Variants in MARCHF8 observed in about 807,000 individuals in gnomAD.
The protein encoded by MARCHF8 is E3 ubiquitin-protein ligase MARCHF8.
A neutral mutation model predicts 51.6 loss-of-function variants in MARCHF8; 40 were observed. That is an observed-to-expected ratio of 0.77 (90% CI 0.60 to 1.01). MARCHF8 has a LOEUF of 1.01. MARCHF8 is among the 50% of genes least tolerant of loss of function. The probability of loss-of-function intolerance (pLI) is 0.00; values close to 1 mark genes in which losing one functional copy is unlikely to be tolerated. For synonymous variants in MARCHF8, 263 were observed against 280.3 expected, an observed-to-expected ratio of 0.94 and a Z score of 0.62; for missense variants, 685 against 708.6, an observed-to-expected ratio of 0.97 and a Z score of 0.38.
chr10:45,529,023 G>A (rs969529234), intron 2 of MARCHF8, among the ~76,000 whole-genome samples: 2 of 152,152 alleles, frequency 1.3e-5, no homozygotes, highest in African/African-American at 4.8e-5. Context: ...GCAATGGTAA[G>A]CAAAAAGAAC....
At chr10:45,531,947 T>C (rs917254620) in intron 2 of MARCHF8, among the ~76,000 whole-genome samples, 1 of 152,166 alleles carries the variant, frequency 6.6e-6, no homozygotes, top group Non-Finnish European at 1.5e-5. Context: ...GATACCACAA[T>C]TGAGACCCTA....
chr10:45,514,989 G>A (rs1165459592), intron 2 of MARCHF8, among the ~76,000 whole-genome samples: 2 of 152,176 alleles, frequency 1.3e-5, no homozygotes, highest in Admixed American at 6.5e-5. Flanking sequence ...ATCATCACAG[G>A]GTGGGGGAGG....
At chr10:45,459,770 G>A in intron 6 of MARCHF8, 2 of 985,452 alleles carry the variant, frequency 2.0e-6, no homozygotes, top group Non-Finnish European at 2.4e-6. Context: ...GGCAGCAACA[G>A]CTCGAAATCG....
chr10:45,528,887 T>C (rs35902429), intron 2 of MARCHF8, among the ~76,000 whole-genome samples: 9,392 of 152,256 alleles, frequency 0.062, 334 homozygotes, highest in Non-Finnish European at 0.067. Context: ...ATCATTAAAA[T>C]GACCATACTA....
chr10:45,577,191 T>C (rs190229631), intron 1 of MARCHF8, among the ~76,000 whole-genome samples: 2 of 151,200 alleles, frequency 1.3e-5, no homozygotes, highest in Admixed American at 6.6e-5. Context: ...CTAATGAACA[T>C]AGACAGTAGA....
intron 1 of MARCHF8, among the ~76,000 whole-genome samples, chr10:45,534,413 A>G (rs2043942214): frequency 6.6e-6 from 1 of 152,066 alleles, no homozygotes; most frequent in South Asian, 2.1e-4. Flanking sequence ...GTATGCATAA[A>G]CTGTCTTCAG....
chr10:45,477,518 CA>C (rs1014260916), intron 3 of MARCHF8, among the ~76,000 whole-genome samples: 6 of 152,090 alleles, frequency 3.9e-5, no homozygotes, highest in African/African-American at 1.4e-4. Flanking sequence ...AAAGGATATA[CA>C]AAACCAGAAA....
chr10:45,496,277 C>T (rs2043173587), intron 2 of MARCHF8, among the ~76,000 whole-genome samples: 1 of 151,940 alleles, frequency 6.6e-6, no homozygotes, highest in African/African-American at 2.4e-5. Flanking sequence ...ATATATTTTC[C>T]TTTCTTAAAT....
Position 45,496,824 on chromosome 10 carries a change from T to C in MARCHF8, c.103-7407A>G, listed in dbSNP as rs1316807583. The stretch of plus-strand genomic sequence containing the variant: ...ACCATTAAGAAAATAATTTTTTAAA[T>C]AGCATTAGAAATCTTTTTTAAAAAT... On this transcript the variant is annotated intron_variant, in intron 2 of 7. Coordinates refer to ENST00000453424, the MANE Select transcript of MARCHF8 (RefSeq NM_001282866.2). 2.0e-5 allele frequency among the ~76,000 whole-genome samples: 3 copies of C among 151,676 alleles called. No individual in the cohort carries two copies. The East Asian group carries it at 5.8e-4, about 29-fold the overall frequency.
intron 1 of MARCHF8, among the ~76,000 whole-genome samples, chr10:45,568,116 G>A (rs750196042): frequency 8.5e-5 from 13 of 152,064 alleles, no homozygotes; most frequent in Non-Finnish European, 1.5e-4. Flanking sequence ...ATTTTGGTAC[G>A]TTAATTTTGT....
In MARCHF8 at chr10:45,586,938, G is replaced by A. The variant is rs563775991; in HGVS notation, c.-79+7297C>T. 2.7e-5 allele frequency among the ~76,000 whole-genome samples: 4 copies of A among 150,920 alleles called. No individual in the cohort carries two copies. The South Asian group carries it at 8.3e-4, about 31-fold the overall frequency. ...TCTTTTCCTTAACATCTCCTAAAGT[G>A]CATACGTTTTAATTTTATTAAGTCC... On this transcript the variant is annotated intron_variant, in intron 1 of 6. Coordinates refer to the MARCHF8 transcript ENST00000319836.
chr10:45,483,051 C>T (rs960270400), intron 3 of MARCHF8, among the ~76,000 whole-genome samples: 1 of 152,064 alleles, frequency 6.6e-6, no homozygotes, highest in African/African-American at 2.4e-5. Flanking sequence ...GAAGAAAACA[C>T]AGGGATTACA....
chr10:45,553,738 A>T (rs751028742), intron 1 of MARCHF8, among the ~76,000 whole-genome samples: 20 of 152,212 alleles, frequency 1.3e-4, no homozygotes, highest in Non-Finnish European at 2.9e-4. Flanking sequence ...TAGGAAGACA[A>T]AAAAGCAAGA....
intron 6 of MARCHF8, 46 bp downstream of exon 6, chr10:45,461,185 G>C: frequency 7.2e-7 from 1 of 1,387,820 alleles, no homozygotes; most frequent in East Asian, 2.7e-5. Flanking sequence ...GCTTTCTGGG[G>C]GTCACTGGTT....
intron 3 of MARCHF8, among the ~76,000 whole-genome samples, chr10:45,488,494 G>C (rs1189634419): frequency 7.4e-6 from 1 of 135,692 alleles, no homozygotes; most frequent in Non-Finnish European, 1.7e-5. Context: ...GAAGACCCAT[G>C]GGACGTGACC....
At chr10:45,462,678 T>A (rs1842828375) in intron 5 of MARCHF8, among the ~76,000 whole-genome samples, 1 of 151,452 alleles carries the variant, frequency 6.6e-6, no homozygotes, top group Admixed American at 6.6e-5. Flanking sequence ...CAGGCTGGAG[T>A]GCAATGGCGC....
At chr10:45,564,567 T>C (rs1046054664) in intron 1 of MARCHF8, among the ~76,000 whole-genome samples, 2 of 151,988 alleles carry the variant, frequency 1.3e-5, no homozygotes, top group East Asian at 1.9e-4. Flanking sequence ...CCAGAGAAAA[T>C]AATTGAAGAT....
chr10:45,483,259 T>C (rs2042921266), intron 3 of MARCHF8, among the ~76,000 whole-genome samples: 3 of 152,088 alleles, frequency 2.0e-5, no homozygotes, highest in Non-Finnish European at 4.4e-5. Flanking sequence ...GGAACTAACA[T>C]ACAGAATATG....
intron 1 of MARCHF8, among the ~76,000 whole-genome samples, chr10:45,565,275 A>G (rs1564518099): frequency 6.6e-6 from 1 of 152,234 alleles, no homozygotes; most frequent in East Asian, 1.9e-4. Context: ...TACAAAAAGT[A>G]CAAAAATTAA....
Sources: gnomAD v4.1 joint callset for allele counts (sites outside exome capture counted in the v4.1 genomes callset) on GRCh38, gnomAD v4.1.1 for gene constraint, MANE v1.5 for transcripts, NCBI Gene and HGNC (gene_info 2026-07-23, HGNC 2026-07-21) for gene names.